Variants in PCBP2 observed in about 807,000 individuals in gnomAD.
The protein encoded by PCBP2 is poly(rC) binding protein 2, also known as poly(rC)-binding protein 2.
PCBP2 carries 4 observed loss-of-function variants against 50.1 expected under a neutral mutation model. That is an observed-to-expected ratio of 0.08 (90% CI 0.04 to 0.18). The LOEUF (loss-of-function observed/expected upper bound fraction) is 0.18, where lower values mean the gene tolerates loss of function less well. Among genes scored for constraint, PCBP2 ranks in the 10% least tolerant of loss-of-function variants. The probability of loss-of-function intolerance (pLI) is 1.00; values close to 1 mark genes in which losing one functional copy is unlikely to be tolerated. For missense variants in PCBP2, 161 were observed against 474.3 expected (o/e 0.34, Z 6.14); for synonymous variants, 179 against 168.0 (o/e 1.07, Z -0.51).
intron 7 of PCBP2, 119 bp from the exon 8 acceptor site, chr12:53,462,374 A>G (rs183080920): frequency 2.9e-6 from 2 of 679,850 alleles, no homozygotes; most frequent in Admixed American, 6.0e-5. Flanking sequence ...ACAATTTGGT[A>G]GGTAAGGGGA....
chr12:53,475,426 C>A (rs549282094), intron 14 of PCBP2: 1 of 312,100 alleles, frequency 3.2e-6, no homozygotes, highest in African/African-American at 2.2e-5. Context: ...GACTTGAATT[C>A]TTTATCTAGA....
At chr12:53,455,849 T>G (rs1940972470) in intron 4 of PCBP2, 36 bp from the exon 5 acceptor site, 1 of 1,389,262 alleles carries the variant, frequency 7.2e-7, no homozygotes, top group Non-Finnish European at 1.0e-6. Flanking sequence ...AGATCTTCTT[T>G]GTTTTAACTT....
chr12:53,464,668 AAAAT>A, intron 8 of PCBP2, 88 bp from the exon 9 acceptor site: 1 of 1,523,890 alleles, frequency 6.6e-7, no homozygotes, highest in East Asian at 2.5e-5. Flanking sequence ...AAAAAGGAAA[AAAAT>A]AAACAACTTT....
chr12:53,474,125 A>G (rs564253813), intron 14 of PCBP2, among the ~76,000 whole-genome samples: 34 of 152,322 alleles, frequency 2.2e-4, no homozygotes, highest in Non-Finnish European at 3.8e-4. Context: ...TCGCTTAAGT[A>G]TGAATTTTTA....
At chr12:53,461,495 T>C (rs1941440125) in intron 7 of PCBP2, among the ~76,000 whole-genome samples, 2 of 152,330 alleles carry the variant, frequency 1.3e-5, no homozygotes, top group South Asian at 4.1e-4. Context: ...TACATGGAAA[T>C]TTGACATGTT....
At chr12:53,478,200 C>T (rs1237199183) in intron 14 of PCBP2, among the ~76,000 whole-genome samples, 1 of 152,154 alleles carries the variant, frequency 6.6e-6, no homozygotes, top group African/African-American at 2.4e-5. Context: ...ACTTTTAAGT[C>T]CTGAAAACTT....
intron 14 of PCBP2, among the ~76,000 whole-genome samples, chr12:53,473,231 C>T (rs535923679): frequency 6.6e-6 from 1 of 152,016 alleles, no homozygotes; most frequent in Admixed American, 6.6e-5. Context: ...CTTACAGGCA[C>T]GTGCCACCAC....
intron 8 of PCBP2, 43 bp from the exon 9 acceptor site, chr12:53,464,717 G>GA: frequency 6.3e-7 from 1 of 1,596,942 alleles, no homozygotes; most frequent in Non-Finnish European, 8.5e-7. Flanking sequence ...ACAAGGTGCC[G>GA]GATTGACAGC....
intron 13 of PCBP2, among the ~76,000 whole-genome samples, chr12:53,470,824 C>G (rs976622371): frequency 6.8e-6 from 1 of 147,186 alleles, no homozygotes; most frequent in Non-Finnish European, 1.5e-5. Flanking sequence ...GAATTCTTGT[C>G]GGTATAGGAG....
intron 5 of PCBP2, among the ~76,000 whole-genome samples, chr12:53,457,102 G>T (rs1941085152): frequency 6.6e-6 from 1 of 152,032 alleles, no homozygotes; most frequent in African/African-American, 2.4e-5. Context: ...ACCCAGGCTA[G>T]AGTGCAGTGA....
chr12:53,476,420 C>T (rs948475469), intron 14 of PCBP2, among the ~76,000 whole-genome samples: 7 of 152,186 alleles, frequency 4.6e-5, no homozygotes, highest in African/African-American at 1.4e-4. Flanking sequence ...CTCAATCGTA[C>T]TAACCTCCCT....
chr12:53,474,541 T>C (rs1240372863), intron 14 of PCBP2, among the ~76,000 whole-genome samples: 3 of 152,232 alleles, frequency 2.0e-5, no homozygotes, highest in Non-Finnish European at 4.4e-5. Context: ...ATGAGTATCT[T>C]TTTCTACCCG....
At chr12:53,476,125 T>A (rs1200552313) in intron 14 of PCBP2, 2 of 152,224 alleles carry the variant, frequency 1.3e-5, no homozygotes, top group Non-Finnish European at 2.9e-5. Flanking sequence ...ACCCGTGACA[T>A]TATCCACAAC....
In PCBP2 at chr12:53,468,917, C is replaced by CTTTTTTTT. The variant is rs5798266; in HGVS notation, c.882+97_882+104dup. 2.9e-4 allele frequency: 167 copies of CTTTTTTTT among 574,528 alleles called. 3 individuals carry two copies. In the African/African-American group the frequency reaches 3.3e-3, roughly 11 times the overall value. 35.6% of individuals were successfully genotyped at this position (574,528 alleles called of 1,614,324 possible). Reference sequence around the variant, plus strand: ...GTCGTTTCAGCAGTGTCCTGCTACCCTTTTTTTTTTTTTTTTTTTAAACAG... The same window carrying CTTTTTTTT: ...GTCGTTTCAGCAGTGTCCTGCTACCCTTTTTTTTTTTTTTTTTTTTTTTTTTTAAACAG... On this transcript the variant is annotated intron_variant, in intron 13 of 14. Coordinates refer to ENST00000546463, the MANE Select transcript of PCBP2 (RefSeq NM_031989.5).
At chr12:53,464,561 C>T (rs1055090450) in intron 8 of PCBP2, 199 bp from the exon 9 acceptor site, 11 of 607,920 alleles carry the variant, frequency 1.8e-5, no homozygotes, top group Non-Finnish European at 2.2e-5. Flanking sequence ...TGAAAATAGC[C>T]CAATTGTGCA....
intron 14 of PCBP2, among the ~76,000 whole-genome samples, chr12:53,476,834 G>C (rs1457167236): frequency 6.6e-6 from 1 of 152,130 alleles, no homozygotes; most frequent in Non-Finnish European, 1.5e-5. Context: ...ATGTGGTCCA[G>C]CTCTCTCCCT....
chr12:53,462,595 AATGAACAGAG>A (rs765324462), intron 8 of PCBP2, 28 bp downstream of exon 8: 1 of 1,564,870 alleles, frequency 6.4e-7, no homozygotes, highest in South Asian at 1.1e-5. Flanking sequence ...TGTGGGCTAG[AATGAACAGAG>A]ATTATATTTG....
chr12:53,474,103 G>A (rs1254325949), intron 14 of PCBP2, among the ~76,000 whole-genome samples: 2 of 152,172 alleles, frequency 1.3e-5, no homozygotes, highest in Non-Finnish European at 2.9e-5. Flanking sequence ...GGGAGTGGAA[G>A]CAGCAGCATT....
intron 1 of PCBP2, 50 bp downstream of exon 1, chr12:53,452,426 C>T (rs949974591): frequency 1.3e-5 from 2 of 150,344 alleles, no homozygotes; most frequent in Non-Finnish European, 3.0e-5. Context: ...ACAATTTCCA[C>T]TTTTGTCTTC....
Sources: gnomAD v4.1 joint callset for allele counts (sites outside exome capture counted in the v4.1 genomes callset) on GRCh38, gnomAD v4.1.1 for gene constraint, MANE v1.5 for transcripts, NCBI Gene and HGNC (gene_info 2026-07-23, HGNC 2026-07-21) for gene names.